The following LRRIQ1 variants were observed in gnomAD, a reference collection of about 807,000 sequenced individuals.
The protein encoded by LRRIQ1 is leucine-rich repeat- and IQ domain-containing protein 1.
In LRRIQ1, 210 loss-of-function variants were observed where a neutral mutation model predicts 211.9. The observed-to-expected ratio is 0.99, with a 90% confidence interval of 0.89 to 1.11. LRRIQ1 has a LOEUF of 1.11. LRRIQ1 is among the 50% of genes most tolerant of loss of function. The pLI is 0.00. For missense variants in LRRIQ1, 2,136 were observed against 1,939.5 expected (o/e 1.10, Z -1.90); for synonymous variants, 699 against 650.1 (o/e 1.08, Z -1.14).
At chr12:85,148,763 C>T (rs1264018534) in intron 19 of LRRIQ1, among the ~76,000 whole-genome samples, 2 of 151,950 alleles carry the variant, frequency 1.3e-5, no homozygotes, top group Admixed American at 6.6e-5. Flanking sequence ...TACATTACCA[C>T]CAACAGTGTA....
At chr12:85,063,597 TA>T (rs1882101242) in intron 8 of LRRIQ1, among the ~76,000 whole-genome samples, 1 of 151,710 alleles carries the variant, frequency 6.6e-6, no homozygotes, top group African/African-American at 2.4e-5. Flanking sequence ...TTATTGACTT[TA>T]GTCACCCTAT....
In LRRIQ1 at chr12:85,128,052, G is replaced by A. The variant is rs756647761; in HGVS notation, c.4209+19G>A. 4.6e-6 allele frequency: 7 copies of A among 1,523,546 alleles called. No individual in the cohort carries two copies. In the South Asian group the frequency reaches 7.9e-5, roughly 17 times the overall value. The allele number at this position is 1,523,546 out of a possible 1,614,324, so 94.4% of individuals were successfully genotyped here. A position where few individuals can be genotyped will look rare whatever the true frequency, so the allele number is the denominator to read the frequency against. ...TATTCAGGTTAATTTCAATCTTTTG[G>A]TAACATAGTTACAAAAGATATATTA... On this transcript the variant is annotated intron_variant, in intron 18 of 26. Coordinates refer to ENST00000393217, the MANE Select transcript of LRRIQ1 (RefSeq NM_001079910.2).
At chr12:85,122,140 G>A (rs1279743455) in intron 16 of LRRIQ1, among the ~76,000 whole-genome samples, 2 of 151,926 alleles carry the variant, frequency 1.3e-5, no homozygotes, top group South Asian at 2.1e-4. Flanking sequence ...CAAGACAAGA[G>A]GCAAAAATTC....
intron 24 of LRRIQ1, among the ~76,000 whole-genome samples, chr12:85,217,821 G>T (rs1395812881): frequency 2.0e-5 from 3 of 150,554 alleles, no homozygotes; most frequent in Non-Finnish European, 4.4e-5. Flanking sequence ...ATATATATGT[G>T]TGTGGCAGTA....
intron 24 of LRRIQ1, among the ~76,000 whole-genome samples, chr12:85,197,153 G>A (rs1892963425): frequency 6.6e-6 from 1 of 152,184 alleles, no homozygotes; most frequent in Admixed American, 6.5e-5. Context: ...AGTTTGAATG[G>A]CAATCATTAA....
At chr12:85,254,524 A>T (rs114695904) in intron 1 of LRRIQ1, among the ~76,000 whole-genome samples, 2,969 of 152,214 alleles carry the variant, frequency 0.02, 96 homozygotes, top group African/African-American at 0.068. Flanking sequence ...AAAGTTATGT[A>T]TTATAATGTC....
chr12:85,160,685 T>TAC lies in LRRIQ1; in HGVS notation c.4795_4796dup (p.Gln1599HisfsTer12). 6.2e-7 allele frequency: 1 copy of TAC among 1,609,376 alleles called. No individual in the cohort carries two copies. The highest frequency in any genetic ancestry group is 2.2e-5 in the East Asian group (1 of 44,702). On this transcript the variant is annotated frameshift_variant, in exon 24 of 27. Coordinates refer to ENST00000393217, the MANE Select transcript of LRRIQ1 (RefSeq NM_001079910.2). LOFTEE classifies it high-confidence loss of function. ...TCTCTTCCAAAATCACCAAAGATGG[T>TAC]ACAGCCCAGAAGAGATGGTTACTTT... is the stretch of plus-strand genomic sequence containing the variant.
chr12:85,038,328 G>A lies in LRRIQ1; in HGVS notation c.132+20G>A, dbSNP rs1878441438. 3.4e-6 allele frequency: 5 copies of A among 1,462,466 alleles called. No homozygotes were observed. Among genetic ancestry groups the A allele is most frequent in the Non-Finnish European group, 1.8e-6 (2 of 1,099,706 alleles). The allele number at this position is 1,462,466 out of a possible 1,614,324, so 90.6% of individuals were successfully genotyped here. ...GATACAGTGAGTATTGCACTTTTGA[G>A]CCTTTTAACAGGAGTAGGCTTTTCA... On this transcript the variant is annotated intron_variant, in intron 2 of 26. Coordinates refer to ENST00000393217, the MANE Select transcript of LRRIQ1 (RefSeq NM_001079910.2).
At chr12:85,138,072 TAC>T (rs1889265212) in intron 19 of LRRIQ1, 103 bp downstream of exon 19, 1 of 678,684 alleles carries the variant, frequency 1.5e-6, no homozygotes. Flanking sequence ...TTAATATTGT[TAC>T]AGACTTTTTT....
At chr12:85,081,897 A>G (rs1420656826) in intron 11 of LRRIQ1, among the ~76,000 whole-genome samples, 1 of 150,836 alleles carries the variant, frequency 6.6e-6, no homozygotes, top group Admixed American at 6.6e-5. Flanking sequence ...ATTTTTTTGT[A>G]TTTTTAGTAG....
intron 24 of LRRIQ1, among the ~76,000 whole-genome samples, chr12:85,183,315 T>G (rs571442450): frequency 6.6e-6 from 1 of 152,118 alleles, no homozygotes; most frequent in Non-Finnish European, 1.5e-5. Flanking sequence ...TTCATACATT[T>G]TTGAAGTGTT....
chr12:85,223,334 T>G (rs1381617640), intron 24 of LRRIQ1, among the ~76,000 whole-genome samples: 1 of 151,950 alleles, frequency 6.6e-6, no homozygotes, highest in African/African-American at 2.4e-5. Flanking sequence ...AAAAGGATCC[T>G]GAAGGGAGGG....
At chr12:85,231,524 A>C (rs1246455200) in intron 25 of LRRIQ1, among the ~76,000 whole-genome samples, 1 of 152,152 alleles carries the variant, frequency 6.6e-6, no homozygotes, top group Non-Finnish European at 1.5e-5. Flanking sequence ...CTGGGTAATT[A>C]ATTAAAAAAA....
At chr12:85,205,596 A>C (rs893046609) in intron 24 of LRRIQ1, among the ~76,000 whole-genome samples, 3 of 152,208 alleles carry the variant, frequency 2.0e-5, no homozygotes, top group Middle Eastern at 3.4e-3. Context: ...CTCCTTATGT[A>C]GTATTTTGCA....
rs781405194 is a variant in LRRIQ1, at chr12:85,055,679, G to A, written c.886G>A (p.Ala296Thr). 8.6e-5 allele frequency: 138 copies of A among 1,607,410 alleles called. No individual in the cohort carries two copies. Among genetic ancestry groups the A allele is most frequent in the Non-Finnish European group, 1.1e-4 (131 of 1,178,028 alleles). The change falls in exon 8 of 27, where the codon GCA (alanine) becomes ACA (threonine). Residue 296 changes from alanine (A) to threonine (T), a missense_variant. By Grantham distance (58) the Ala-to-Thr change is moderately conservative (BLOSUM62 0). Coordinates refer to ENST00000393217, the MANE Select transcript of LRRIQ1 (RefSeq NM_001079910.2). ...TGTTAAAATTCAAGCTAAATATAAAGCATTTGTTGCCTATCAAAAATATGG... is the reference window on the plus strand; with the variant it reads ...TGTTAAAATTCAAGCTAAATATAAAACATTTGTTGCCTATCAAAAATATGG... ...AAVKIQAKYK[A>T]FVAYQKYGPI...
chr12:85,167,293 A>G (rs1282283972), intron 24 of LRRIQ1, among the ~76,000 whole-genome samples: 1 of 152,204 alleles, frequency 6.6e-6, no homozygotes, highest in Non-Finnish European at 1.5e-5. Context: ...AGATGTATAT[A>G]TAAAGGGAAT....
chr12:85,186,914 GA>G (rs1045419167), intron 24 of LRRIQ1, among the ~76,000 whole-genome samples: 1 of 151,946 alleles, frequency 6.6e-6, no homozygotes, highest in Non-Finnish European at 1.5e-5. Context: ...ATGATTATAA[GA>G]AAAAATATAT....
intron 11 of LRRIQ1, among the ~76,000 whole-genome samples, chr12:85,086,008 AAACTGTTTG>A (rs954765254): frequency 6.6e-6 from 1 of 152,162 alleles, no homozygotes; most frequent in African/African-American, 2.4e-5. Flanking sequence ...AGAATTCTCT[AAACTGTTTG>A]AACAGTCACT....
At chr12:85,264,725 T>A (rs2137349054), downstream of LRRIQ1, among the ~76,000 whole-genome samples, 1 of 152,208 alleles carries the variant, frequency 6.6e-6, no homozygotes, top group Non-Finnish European at 1.5e-5. Context: ...GGTAAAAATA[T>A]GAGCCTTTCT....
Sources: allele counts gnomAD v4.1 joint callset (sites outside exome capture counted in the v4.1 genomes callset), GRCh38; gene constraint gnomAD v4.1.1; transcripts MANE v1.5; gene names NCBI Gene and HGNC (gene_info 2026-07-23, HGNC 2026-07-21).